Variants in RIMS4 observed in about 807,000 individuals in gnomAD.
RIMS4 encodes the protein regulating synaptic membrane exocytosis protein 4.
Under a neutral mutation model 29.0 loss-of-function variants are expected in RIMS4, and 9 were observed. The ratio of observed to expected loss-of-function variants is 0.31; its 90% CI spans 0.19 to 0.54. RIMS4 has a LOEUF of 0.54. RIMS4 is among the 20% of genes least tolerant of loss of function. The pLI, the probability that RIMS4 is intolerant of heterozygous loss-of-function variation, is 0.94. For synonymous variants in RIMS4, 130 were observed against 152.9 expected, an observed-to-expected ratio of 0.85 and a Z score of 1.10; for missense variants, 193 against 365.7, an observed-to-expected ratio of 0.53 and a Z score of 3.85.
intron 1 of RIMS4, among the ~76,000 whole-genome samples, chr20:44,807,583 AG>A (rs1769791691): frequency 6.6e-6 from 1 of 152,068 alleles, no homozygotes; most frequent in Non-Finnish European, 1.5e-5. Flanking sequence ...CAGGGGAGGG[AG>A]GGGAGAAGAG....
At chr20:44,758,846 A>G (rs2066072181) in intron 2 of RIMS4, among the ~76,000 whole-genome samples, 1 of 152,158 alleles carries the variant, frequency 6.6e-6, no homozygotes, top group Non-Finnish European at 1.5e-5. Context: ...GCAGGACTGG[A>G]GCTTCTGGTG....
At chr20:44,769,143 A>C (rs1410251858) in intron 2 of RIMS4, among the ~76,000 whole-genome samples, 1 of 152,168 alleles carries the variant, frequency 6.6e-6, no homozygotes, top group Non-Finnish European at 1.5e-5. Flanking sequence ...ACCTGTCTGT[A>C]ATTAGACTCT....
At chr20:44,759,421 C>A (rs928015792) in intron 2 of RIMS4, among the ~76,000 whole-genome samples, 7 of 152,114 alleles carry the variant, frequency 4.6e-5, no homozygotes, top group Admixed American at 1.3e-4. Flanking sequence ...CCACGCCCGG[C>A]CAATTTTTGT....
At position 44,756,916 on chromosome 20, in the gene RIMS4, G is replaced by A; in HGVS notation, c.573C>T (p.Pro191=). 1 of 1,613,966 alleles carries A rather than the reference G, an allele frequency of 6.2e-7. No individual in the cohort carries two copies. The highest frequency in any genetic ancestry group is 1.7e-4 in the Middle Eastern group (1 of 6,060). The stretch of plus-strand genomic sequence containing the variant: ...CCCTCACCTGGAGGACTTTGCCCTG[G>A]GGACTCTCAGGAAACAGCAGCACCT... The part of the protein sequence containing the change: ...YNQVLLFPES[P]QGKVLQVIVW... Residue 191 remains proline, a synonymous_variant, in exon 5 of 6, where the codon CCC becomes CCT. Transcript: ENST00000372851. This position sits in a 1 kb window ranked among gnomAD's most constrained non-coding sequence, Gnocchi z 5.9.
Position 44,756,346 on chromosome 20 carries a change from C to A in RIMS4, c.598G>T (p.Val200Leu). 6.2e-7 allele frequency: 1 copy of A among 1,613,102 alleles called. No individual in the cohort carries two copies. The highest frequency in any genetic ancestry group is 8.5e-7 in the Non-Finnish European group (1 of 1,179,382). ...TCCATCCGCCCGTAGTTCCCCCACA[C>A]GATCACCTGTGGGGCAAGAGACACA... ...SPQGKVLQVI[V>L]WGNYGRMERK... is the part of the protein sequence containing the mutation. The change falls in exon 6 of 6, where the codon GTG becomes TTG. Residue 200 changes from valine to leucine, a missense_variant. Coordinates refer to ENST00000372851, the MANE Select transcript of RIMS4 (RefSeq NM_182970.4). This position sits in a 1 kb window ranked among gnomAD's most constrained non-coding sequence, Gnocchi z 5.9.
intron 2 of RIMS4, 47 bp from the exon 3 acceptor site, chr20:44,758,231 CCAA>C (rs780044855): frequency 2.0e-5 from 27 of 1,372,580 alleles, no homozygotes; most frequent in Non-Finnish European, 2.8e-5. Flanking sequence ...CAGTGGTTTA[CCAA>C]CAACTCTGGA....
chr20:44,758,327 A>C (rs2066069584), intron 2 of RIMS4, 143 bp from the exon 3 acceptor site: 2 of 620,582 alleles, frequency 3.2e-6, no homozygotes. Context: ...TATCTGGCTC[A>C]TGTGGTTTAG....
chr20:44,803,858 G>A (rs1023893929), intron 1 of RIMS4, among the ~76,000 whole-genome samples: 10 of 152,322 alleles, frequency 6.6e-5, no homozygotes, highest in African/African-American at 2.4e-4. Flanking sequence ...AACTGTGATA[G>A]GGATCAACCA....
chr20:44,795,409 G>A (rs2066250470), intron 1 of RIMS4, among the ~76,000 whole-genome samples: 2 of 152,194 alleles, frequency 1.3e-5, no homozygotes, highest in Admixed American at 6.5e-5. Flanking sequence ...GCTGAGGCAG[G>A]CGGATCATGA....
At chr20:44,806,763 T>G (rs1482309023) in intron 1 of RIMS4, among the ~76,000 whole-genome samples, 1 of 152,206 alleles carries the variant, frequency 6.6e-6, no homozygotes, top group African/African-American at 2.4e-5. Flanking sequence ...TTAAGTCAGA[T>G]TGCCCAAGTT....
At chr20:44,809,425 T>C in intron 1 of RIMS4, among the ~76,000 whole-genome samples, 1 of 147,112 alleles carries the variant, frequency 6.8e-6, no homozygotes, top group South Asian at 2.2e-4. Flanking sequence ...GAGGAGGAGG[T>C]TCAAGCCGCT....
intron 1 of RIMS4, among the ~76,000 whole-genome samples, chr20:44,800,193 A>T (rs998497795): frequency 3.9e-5 from 6 of 152,186 alleles, no homozygotes; most frequent in African/African-American, 1.2e-4. Flanking sequence ...GGGCACCACC[A>T]TAAGTGCTTA....
chr20:44,758,028 C>T (rs2066068151), intron 3 of RIMS4, 44 bp downstream of exon 3: 4 of 1,407,200 alleles, frequency 2.8e-6, no homozygotes, highest in Non-Finnish European at 3.9e-6. Flanking sequence ...TGGTGTGACA[C>T]CCAACTCCCC....
intron 1 of RIMS4, among the ~76,000 whole-genome samples, chr20:44,796,991 T>C (rs984240938): frequency 3.9e-5 from 6 of 152,356 alleles, no homozygotes; most frequent in African/African-American, 1.4e-4. Context: ...CCCAGTCTCC[T>C]ATTGCCAGCA....
chr20:44,810,225 G>A lies in RIMS4; in HGVS notation c.47C>T (p.Ala16Val). 6.3e-7 allele frequency: 1 copy of A among 1,576,158 alleles called. No individual in the cohort carries two copies. Among genetic ancestry groups the A allele is most frequent in the South Asian group, 1.1e-5 (1 of 88,978 alleles). The change falls in exon 1 of 6, where the codon GCG becomes GTG. Residue 16 changes from alanine to valine, a missense_variant. Transcript: ENST00000372851. The part of the protein sequence containing the change: ...SRLSLSASFE[A>V]LAIYFPCMNS... The stretch of plus-strand genomic sequence containing the variant: ...CATGCACGGGAAGTAGATGGCGAGC[G>A]CCTCGAAGGAGGCGGACAGACTGAG...
intron 1 of RIMS4, among the ~76,000 whole-genome samples, chr20:44,806,736 A>C (rs546706386): frequency 3.3e-5 from 5 of 152,344 alleles, no homozygotes; most frequent in African/African-American, 1.2e-4. Context: ...ATAATGGTTG[A>C]TTAAAAGCAT....
intron 2 of RIMS4, among the ~76,000 whole-genome samples, chr20:44,761,577 C>T (rs973204639): frequency 1.3e-5 from 2 of 152,184 alleles, no homozygotes; most frequent in East Asian, 3.9e-4. Context: ...CCAAGGCTCC[C>T]CAGTGGGCCT....
intron 1 of RIMS4, among the ~76,000 whole-genome samples, chr20:44,780,875 G>GGCACATGATA (rs1170002536): frequency 2.8e-4 from 43 of 152,264 alleles, no homozygotes; most frequent in African/African-American, 1.0e-3. Flanking sequence ...AGGGGCAAAA[G>GGCACATGATA]GCACATGATA....
In RIMS4 at chr20:44,754,621, G is replaced by C. The variant is rs2066050179; in HGVS notation, c.*1513C>G. On this transcript the variant is annotated 3_prime_UTR_variant, in exon 6 of 6. Coordinates refer to ENST00000372851, the MANE Select transcript of RIMS4 (RefSeq NM_182970.4). ...CTACGGGGACAAGGGAAGGAAGGGGGCGGAGGAGGAGGGGCTGGCCTCCTG... is the reference window on the plus strand; with the variant it reads ...CTACGGGGACAAGGGAAGGAAGGGGCCGGAGGAGGAGGGGCTGGCCTCCTG... 1 of 152,926 alleles carries C rather than the reference G, an allele frequency of 6.5e-6. No homozygotes were observed. The highest frequency in any genetic ancestry group is 2.1e-4 in the South Asian group (1 of 4,836). 9.5% of individuals were successfully genotyped at this position (152,926 alleles called of 1,614,324 possible).
Sources: gnomAD v4.1 joint callset for allele counts (sites outside exome capture counted in the v4.1 genomes callset) on GRCh38, gnomAD v4.1.1 for gene constraint, Gnocchi (gnomAD v3.1) non-coding constraint, MANE v1.5 for transcripts, NCBI Gene and HGNC (gene_info 2026-07-23, HGNC 2026-07-21) for gene names.